The following OXR1 variants were observed in gnomAD, a reference collection of about 807,000 sequenced individuals.
The protein encoded by OXR1 is oxidation resistance protein 1.
Under a neutral mutation model 104.6 loss-of-function variants are expected in OXR1, and 41 were observed. The ratio of observed to expected loss-of-function variants is 0.39; its 90% confidence interval spans 0.31 to 0.51. The LOEUF (loss-of-function observed/expected upper bound fraction) is 0.51, where lower values mean the gene tolerates loss of function less well. Among genes scored for constraint, OXR1 ranks in the 20% least tolerant of loss-of-function variants. The probability of loss-of-function intolerance (pLI) is 0.77; values close to 1 mark genes in which losing one functional copy is unlikely to be tolerated. For missense variants in OXR1, 955 were observed against 1,031.9 expected (o/e 0.93, Z 1.02); for synonymous variants, 348 against 348.4 (o/e 1.00, Z 0.01).
intron 1 of OXR1, among the ~76,000 whole-genome samples, chr8:106,301,802 T>TA (rs1165004332): frequency 6.6e-6 from 1 of 152,224 alleles, no homozygotes; most frequent in Admixed American, 6.5e-5. Flanking sequence ...TATGACAGAA[T>TA]AGGTAGAAAT....
At chr8:106,532,728 T>C (rs954533617) in intron 3 of OXR1, among the ~76,000 whole-genome samples, 1 of 152,192 alleles carries the variant, frequency 6.6e-6, no homozygotes, top group Non-Finnish European at 1.5e-5. Context: ...AGGCTTTAAA[T>C]ACTTGAAGCC....
chr8:106,526,763 T>G (rs1044458298), intron 3 of OXR1, among the ~76,000 whole-genome samples: 5 of 152,338 alleles, frequency 3.3e-5, no homozygotes, highest in South Asian at 2.1e-4. Context: ...CAGGATGGTC[T>G]CTATCTCCTG....
intron 2 of OXR1, among the ~76,000 whole-genome samples, chr8:106,488,481 G>A (rs1351286343): frequency 6.6e-6 from 1 of 151,968 alleles, no homozygotes; most frequent in Non-Finnish European, 1.5e-5. Context: ...TGGTGTTTTA[G>A]ACATGAAGTC....
At chr8:106,549,592 T>C (rs551433838) in intron 3 of OXR1, among the ~76,000 whole-genome samples, 1 of 152,314 alleles carries the variant, frequency 6.6e-6, no homozygotes, top group African/African-American at 2.4e-5. Flanking sequence ...ACTGGATGGC[T>C]TATAAACAAC....
intron 3 of OXR1, chr8:106,581,178 A>G: frequency 7.8e-7 from 1 of 1,277,994 alleles, no homozygotes; most frequent in South Asian, 1.3e-5. Flanking sequence ...AACATTTGAA[A>G]GAGAACTTGA....
At position 106,707,290 on chromosome 8, in the gene OXR1, A is replaced by G. The variant is rs936315403; in HGVS notation, c.1624+145A>G. The stretch of plus-strand genomic sequence containing the variant: ...GACCGGTGATTCTCTGGGGACAAGT[A>G]TATACAGTCTCCAGTGTCTACTGTC... On this transcript the variant is annotated intron_variant, in intron 9 of 16. Transcript: ENST00000517566. 4.7e-5 allele frequency: 34 copies of G among 725,238 alleles called. No individual in the cohort carries two copies. The African/African-American group carries it at 5.4e-4, about 12-fold the overall frequency. 44.9% of individuals were successfully genotyped at this position (725,238 alleles called of 1,614,324 possible).
chr8:106,270,909 G>T (rs1811773826), intron 1 of OXR1, among the ~76,000 whole-genome samples: 1 of 152,148 alleles, frequency 6.6e-6, no homozygotes, highest in Non-Finnish European at 1.5e-5. Context: ...CCGGAGGGGC[G>T]AGTGGATTCG....
intron 1 of OXR1, among the ~76,000 whole-genome samples, chr8:106,300,024 A>G (rs1212749069): frequency 6.6e-6 from 1 of 152,224 alleles, no homozygotes; most frequent in East Asian, 1.9e-4. Flanking sequence ...ATCAGTATAA[A>G]GAAGAGCATA....
intron 3 of OXR1, among the ~76,000 whole-genome samples, chr8:106,606,291 T>C (rs1437361869): frequency 6.6e-6 from 1 of 150,444 alleles, no homozygotes; most frequent in Non-Finnish European, 1.5e-5. Flanking sequence ...TGATACTCTT[T>C]ATTTATTTAT....
At chr8:106,532,443 G>A (rs1021123280) in intron 3 of OXR1, among the ~76,000 whole-genome samples, 1 of 152,132 alleles carries the variant, frequency 6.6e-6, no homozygotes, top group African/African-American at 2.4e-5. Flanking sequence ...TGATTTTCAT[G>A]AAATTAAGGA....
intron 3 of OXR1, among the ~76,000 whole-genome samples, chr8:106,671,403 G>A (rs373886405): frequency 5.3e-5 from 8 of 151,988 alleles, no homozygotes; most frequent in Middle Eastern, 3.2e-3. Context: ...TTTTAAATAC[G>A]CATGTATTCA....
rs549114985 is a variant in OXR1 at position 106,720,804 on chromosome 8, A to G, written c.1956+6819A>G. 156 of 473,740 alleles carry G rather than the reference A, an allele frequency of 3.3e-4. 2 individuals carry two copies. Among genetic ancestry groups the G allele is most frequent in the African/African-American group, 2.7e-3 (129 of 47,734 alleles). 29.3% of individuals were successfully genotyped at this position (473,740 alleles called of 1,614,324 possible). On this transcript the variant is annotated intron_variant, in intron 11 of 16. Coordinates refer to ENST00000517566, the MANE Select transcript of OXR1 (RefSeq NM_001198533.2). ...CTTTGTCCATCAAATACCCTTTAAA[A>G]TTTAATATATTTGGCAAGTGCCTGA...
intron 1 of OXR1, among the ~76,000 whole-genome samples, chr8:106,339,224 G>C (rs1406604222): frequency 6.6e-6 from 1 of 151,806 alleles, no homozygotes; most frequent in Non-Finnish European, 1.5e-5. Context: ...GGCTGGGCGT[G>C]GTGGCTCACG....
Position 106,443,011 on chromosome 8 carries a change from G to T in OXR1, c.24-75932G>T, listed in dbSNP as rs531046849. Among the ~76,000 whole-genome samples, 127 of 151,900 alleles carry T rather than the reference G, an allele frequency of 8.4e-4. No homozygotes were observed. In the Middle Eastern group the frequency reaches 0.014, roughly 16 times the overall value. ...ATTTGTGACTTTAGGGTGTTGATCT[G>T]AGATCATTTTAGCTTTCTGATGTGG... is the stretch of plus-strand genomic sequence containing the variant. On this transcript the variant is annotated intron_variant, in intron 2 of 16. Transcript: ENST00000517566.
At chr8:106,497,649 C>T (rs1249441783) in intron 2 of OXR1, among the ~76,000 whole-genome samples, 1 of 152,116 alleles carries the variant, frequency 6.6e-6, no homozygotes, top group African/African-American at 2.4e-5. Context: ...TGATGAAGAT[C>T]AAAATCTACC....
chr8:106,730,011 C>T (rs1267640245), intron 11 of OXR1, among the ~76,000 whole-genome samples: 1 of 152,082 alleles, frequency 6.6e-6, no homozygotes, highest in East Asian at 1.9e-4. Context: ...TTGTGTCACC[C>T]TCATATTGGT....
chr8:106,364,077 A>G (rs927572588), intron 2 of OXR1, among the ~76,000 whole-genome samples: 5 of 152,210 alleles, frequency 3.3e-5, no homozygotes, highest in Non-Finnish European at 7.3e-5. Context: ...AGAAGTCAAC[A>G]AAATATTCCG....
Position 106,730,252 on chromosome 8 carries a change from T to G in OXR1, c.1957-7268T>G, listed in dbSNP as rs923755833. On this transcript the variant is annotated intron_variant, in intron 11 of 16. Coordinates refer to ENST00000517566, the MANE Select transcript of OXR1 (RefSeq NM_001198533.2). ...AATATTGATATATTGTCATGCAGAG[T>G]CTATAGTTTACATTAAGGTTCATTC... Among the ~76,000 whole-genome samples, 3 of 152,118 alleles carry G rather than the reference T, an allele frequency of 2.0e-5. No individual in the cohort carries two copies. The South Asian group carries it at 6.2e-4, about 32-fold the overall frequency.
At chr8:106,607,344 C>G (rs1192356972) in intron 3 of OXR1, among the ~76,000 whole-genome samples, 1 of 152,206 alleles carries the variant, frequency 6.6e-6, no homozygotes, top group East Asian at 1.9e-4. Flanking sequence ...CATAAGTTAT[C>G]CCTTCCTCCC....
Sources: gnomAD v4.1 joint callset for allele counts (sites outside exome capture counted in the v4.1 genomes callset) on GRCh38, gnomAD v4.1.1 for gene constraint, MANE v1.5 for transcripts, NCBI Gene and HGNC (gene_info 2026-07-23, HGNC 2026-07-21) for gene names.